FUT8: variants seen among roughly 807,000 people sequenced by gnomAD.
The protein encoded by FUT8 is fucosyltransferase 8, also known as alpha-(1,6)-fucosyltransferase.
Under a neutral mutation model 71.3 loss-of-function variants are expected in FUT8, and 29 were observed. The ratio of observed to expected loss-of-function variants is 0.41; its 90% CI spans 0.30 to 0.55. FUT8 has a LOEUF of 0.55. Among genes scored for constraint, FUT8 ranks in the 20% least tolerant of loss-of-function variants. The pLI, the probability that FUT8 is intolerant of heterozygous loss-of-function variation, is 0.34. For missense variants in FUT8, 544 were observed against 702.1 expected (o/e 0.77, Z 2.55); for synonymous variants, 254 against 239.3 (o/e 1.06, Z -0.57).
At chr14:65,731,068 A>G (rs989998719) in intron 9 of FUT8, among the ~76,000 whole-genome samples, 3 of 152,246 alleles carry the variant, frequency 2.0e-5, no homozygotes, top group African/African-American at 7.2e-5. Context: ...AGAATCAGCA[A>G]TGAGTGGTGT....
At chr14:65,381,661 C>T in the FUT8 span, among the ~76,000 whole-genome samples, 1 of 152,182 alleles carries the variant, frequency 6.6e-6, no homozygotes, top group Non-Finnish European at 1.5e-5. Flanking sequence ...CTTTCCTCAA[C>T]TTAAAGCTTA....
chr14:65,612,317 C>T (rs1889042957), intron 3 of FUT8, among the ~76,000 whole-genome samples: 1 of 152,140 alleles, frequency 6.6e-6, no homozygotes, highest in South Asian at 2.1e-4. Flanking sequence ...AATGTTTGGT[C>T]TGGGGCACAT....
chr14:65,512,600 T>C (rs1375016711), intron 2 of FUT8, among the ~76,000 whole-genome samples: 4 of 152,180 alleles, frequency 2.6e-5, no homozygotes, highest in African/African-American at 9.6e-5. Context: ...TAACTTAGGT[T>C]TGATTTTTGT....
chr14:65,613,111 T>G (rs1367316159), intron 3 of FUT8, among the ~76,000 whole-genome samples: 1 of 152,160 alleles, frequency 6.6e-6, no homozygotes, highest in Non-Finnish European at 1.5e-5. Context: ...TTATGTTTTA[T>G]TAGAATTAGA....
chr14:65,673,898 C>T (rs926624842), intron 7 of FUT8, among the ~76,000 whole-genome samples: 1 of 152,240 alleles, frequency 6.6e-6, no homozygotes, highest in Admixed American at 6.5e-5. Context: ...ATATCTCACT[C>T]AGGTCAGAAG....
intron 2 of FUT8, among the ~76,000 whole-genome samples, chr14:65,494,328 A>G (rs1020824825): frequency 1.3e-5 from 2 of 152,214 alleles, no homozygotes; most frequent in African/African-American, 4.8e-5. Context: ...CTTATAGCAC[A>G]TCTCAGTTCA....
the FUT8 span, among the ~76,000 whole-genome samples, chr14:65,399,395 C>T: frequency 6.6e-6 from 1 of 152,144 alleles, no homozygotes; most frequent in African/African-American, 2.4e-5. Flanking sequence ...AGAATTTTGC[C>T]ATGTTGGTGA....
Position 65,472,816 on chromosome 14 carries a change from A to G in FUT8, c.-228+17098A>G, listed in dbSNP as rs2066169388. ...TGTTTATTCTTATTTTTTTTGTGAT[A>G]TGGTAAAAAACTTAGTTCATATAAT... is the stretch of plus-strand genomic sequence containing the variant. On this transcript the variant is annotated intron_variant, in intron 2 of 10. Coordinates refer to ENST00000673929, the MANE Select transcript of FUT8 (RefSeq NM_001371533.1). This position sits in a 1 kb window ranked among gnomAD's most constrained non-coding sequence, Gnocchi z 4.4. Among the ~76,000 whole-genome samples the G allele has an allele frequency of 1.3e-5, 2 of 152,240 alleles. No homozygotes were observed. The highest frequency in any genetic ancestry group is 2.4e-5 in the African/African-American group (1 of 41,566).
chr14:65,560,121 A>G (rs1038419767), intron 2 of FUT8, among the ~76,000 whole-genome samples: 7 of 152,156 alleles, frequency 4.6e-5, no homozygotes, highest in Admixed American at 3.9e-4. Context: ...AGGTGCAAAC[A>G]TAGAAAAATA....
Position 65,542,109 on chromosome 14 carries a change from T to C in FUT8, c.-227-19228T>C, listed in dbSNP as rs556986618. 1.1e-4 allele frequency among the ~76,000 whole-genome samples: 16 copies of C among 152,356 alleles called. No individual in the cohort carries two copies. In the South Asian group the frequency reaches 3.3e-3, roughly 32 times the overall value. The stretch of plus-strand genomic sequence containing the variant: ...ATTGAGAGGATTAAATATTATGATA[T>C]CTGTGAAGCAATTAGTAAAGGGCCT... On this transcript the variant is annotated intron_variant, in intron 2 of 10. Coordinates refer to ENST00000673929, the MANE Select transcript of FUT8 (RefSeq NM_001371533.1).
chr14:65,555,784 T>A (rs1885556723), intron 2 of FUT8, among the ~76,000 whole-genome samples: 1 of 152,240 alleles, frequency 6.6e-6, no homozygotes, highest in Non-Finnish European at 1.5e-5. Context: ...CTAGTTTATA[T>A]GTGAGGCTAA....
At chr14:65,611,016 A>G (rs1418262493) in intron 3 of FUT8, among the ~76,000 whole-genome samples, 1 of 151,618 alleles carries the variant, frequency 6.6e-6, no homozygotes, top group South Asian at 2.1e-4. Context: ...AGATAATACT[A>G]ACTTTATAGA....
chr14:65,675,507 A>G (rs1310024342), intron 7 of FUT8, among the ~76,000 whole-genome samples: 1 of 152,172 alleles, frequency 6.6e-6, no homozygotes, highest in Non-Finnish European at 1.5e-5. Flanking sequence ...AGTAGCATGA[A>G]TTTACCTTCC....
chr14:65,654,650 C>T lies in FUT8; in HGVS notation c.598-14593C>T, dbSNP rs192859282. On this transcript the variant is annotated intron_variant, in intron 6 of 10. Transcript: ENST00000673929. The stretch of plus-strand genomic sequence containing the variant: ...AAACACTATAGAAGACCATACTTTA[C>T]AGGAACCATTTCTGTAGTTCCTTAA... Among the ~76,000 whole-genome samples the T allele has an allele frequency of 8.0e-3, 1,204 of 150,744 alleles. 44 individuals are homozygous for T. Among genetic ancestry groups the T allele is most frequent in the Admixed American group, 0.063 (950 of 15,130 alleles).
the FUT8 span, among the ~76,000 whole-genome samples, chr14:65,356,878 A>T: frequency 6.6e-6 from 1 of 152,200 alleles, no homozygotes; most frequent in Non-Finnish European, 1.5e-5. This position sits in a 1 kb window ranked among gnomAD's most constrained non-coding sequence, Gnocchi z 4.6. Flanking sequence ...CGGCTCACAT[A>T]TCTGGCAGAG....
the FUT8 span, among the ~76,000 whole-genome samples, chr14:65,368,026 A>G: frequency 1.3e-5 from 2 of 151,978 alleles, no homozygotes; most frequent in Admixed American, 1.3e-4. Context: ...TTAAAAAAAA[A>G]GTAAAAGAAC....
intron 6 of FUT8, among the ~76,000 whole-genome samples, chr14:65,664,991 A>G (rs972778526): frequency 6.6e-6 from 1 of 152,104 alleles, no homozygotes; most frequent in Non-Finnish European, 1.5e-5. Context: ...AGAAATTATC[A>G]TGTTAGCTAA....
chr14:65,531,838 T>G (rs940273763), intron 2 of FUT8, among the ~76,000 whole-genome samples: 6 of 152,304 alleles, frequency 3.9e-5, no homozygotes, highest in African/African-American at 1.4e-4. Flanking sequence ...GTTCTCATCA[T>G]TTAGCTCCCA....
Position 65,742,300 on chromosome 14 carries a change from T to G in FUT8, c.1618T>G (p.Ser540Ala). The change falls in exon 11 of 11, where the codon TCT becomes GCT. Residue 540 changes from serine (S) to alanine (A), a missense_variant. Transcript: ENST00000673929. ...GVAGNHWDGY[S>A]KGVNRKLGRT... ...GGCTGGAAATCATTGGGATGGCTAT[T>G]CTAAAGGTGTCAACAGGAAATTGGG... 1 of 1,613,094 alleles carries G rather than the reference T, an allele frequency of 6.2e-7. No homozygotes were observed. Among genetic ancestry groups the G allele is most frequent in the Non-Finnish European group, 8.5e-7 (1 of 1,179,370 alleles).
Sources: allele counts gnomAD v4.1 joint callset (sites outside exome capture counted in the v4.1 genomes callset), GRCh38; gene constraint gnomAD v4.1.1; non-coding constraint Gnocchi (gnomAD v3.1); transcripts MANE v1.5; gene names NCBI Gene and HGNC (gene_info 2026-07-23, HGNC 2026-07-21).